Variants in PARD3 observed in about 807,000 individuals in gnomAD.
The protein encoded by PARD3 is partitioning defective 3 homolog.
In PARD3, 75 loss-of-function variants were observed where a neutral mutation model predicts 155.4. That is an observed-to-expected ratio of 0.48 (90% CI 0.40 to 0.58). The LOEUF (loss-of-function observed/expected upper bound fraction) is 0.58. Ranked by LOEUF, PARD3 falls within the 20% of genes least tolerant of loss-of-function variation. PARD3 has a pLI of 0.00. For synonymous variants in PARD3, 576 were observed against 610.5 expected (o/e 0.94, Z 0.83); for missense variants, 1,642 against 1,721.7 (o/e 0.95, Z 0.82).
Position 34,745,406 on chromosome 10 carries a change from G to A in PARD3, c.121-48987C>T, listed in dbSNP as rs542454699. 5.3e-5 allele frequency among the ~76,000 whole-genome samples: 8 copies of A among 150,942 alleles called. No individual in the cohort carries two copies. The South Asian group carries it at 1.7e-3, about 32-fold the overall frequency. Reference sequence around the variant, plus strand: ...AGGAAGTAAAAGGAAGGAAAGGAAGGAAAGAGAGGGAGGAAGGGAGGGAGG... The same window carrying A: ...AGGAAGTAAAAGGAAGGAAAGGAAGAAAAGAGAGGGAGGAAGGGAGGGAGG... On this transcript the variant is annotated intron_variant, in intron 1 of 24. Transcript: ENST00000374788.
intron 2 of PARD3, among the ~76,000 whole-genome samples, chr10:34,645,895 T>C (rs1283199764): frequency 2.0e-5 from 3 of 152,232 alleles, no homozygotes; most frequent in Non-Finnish European, 2.9e-5. Flanking sequence ...ACCATTTTAC[T>C]ACTAAGAGTA....
chr10:34,696,073 A>AACCT lies in PARD3; in HGVS notation c.222+244_222+245insAGGT, dbSNP rs1255908226. On this transcript the variant is annotated intron_variant, in intron 2 of 24. Coordinates refer to ENST00000374788, the MANE Select transcript of PARD3 (RefSeq NM_001184785.2). ...TCTTTTTGTGATATTTCCATTGTAAAAGTGTAGTTTTAAAACCCCAAAACC... is the reference window on the plus strand; with the variant it reads ...TCTTTTTGTGATATTTCCATTGTAAAACCTAGTGTAGTTTTAAAACCCCAAAACC... Among the ~76,000 whole-genome samples the AACCT allele has an allele frequency of 2.0e-5, 3 of 152,276 alleles. No homozygotes were observed. In the South Asian group the frequency reaches 6.2e-4, roughly 32 times the overall value.
At chr10:34,796,785 G>A (rs765803698) in intron 1 of PARD3, among the ~76,000 whole-genome samples, 3 of 152,186 alleles carry the variant, frequency 2.0e-5, no homozygotes, top group African/African-American at 7.2e-5. Flanking sequence ...AGGAGTTCAA[G>A]GCCAGCCTGG....
At chr10:34,253,069 C>T (rs1345146470) in intron 22 of PARD3, among the ~76,000 whole-genome samples, 1 of 152,188 alleles carries the variant, frequency 6.6e-6, no homozygotes, top group Non-Finnish European at 1.5e-5. Flanking sequence ...CAAAGATGTG[C>T]TGGTCTTTAC....
At chr10:34,675,173 T>C (rs2093682193) in intron 2 of PARD3, among the ~76,000 whole-genome samples, 1 of 152,230 alleles carries the variant, frequency 6.6e-6, no homozygotes, top group Non-Finnish European at 1.5e-5. Flanking sequence ...ATCTCTAATT[T>C]ACAGCTTTTA....
At chr10:34,459,906 G>T (rs2132930015) in intron 4 of PARD3, among the ~76,000 whole-genome samples, 1 of 152,254 alleles carries the variant, frequency 6.6e-6, no homozygotes, top group East Asian at 1.9e-4. Context: ...TAATTTCTGT[G>T]AAAGTCCCTA....
intron 21 of PARD3, among the ~76,000 whole-genome samples, chr10:34,272,916 T>G (rs749420630): frequency 6.6e-6 from 1 of 152,156 alleles, no homozygotes; most frequent in Non-Finnish European, 1.5e-5. Context: ...AAGACCATGA[T>G]GAGCTATTAC....
intron 5 of PARD3, among the ~76,000 whole-genome samples, chr10:34,419,512 G>A (rs1038366124): frequency 5.3e-5 from 8 of 151,596 alleles, no homozygotes; most frequent in East Asian, 1.9e-4. Flanking sequence ...GCAAGACTCC[G>A]TCTCAAAAAA....
chr10:34,607,723 C>G (rs1156374231), intron 2 of PARD3, among the ~76,000 whole-genome samples: 1 of 152,062 alleles, frequency 6.6e-6, no homozygotes, highest in African/African-American at 2.4e-5. Flanking sequence ...TGTGGAAGGA[C>G]CAACGAAAAC....
intron 2 of PARD3, among the ~76,000 whole-genome samples, chr10:34,564,990 A>G (rs2085805550): frequency 1.3e-5 from 2 of 152,262 alleles, no homozygotes; most frequent in South Asian, 4.1e-4. Context: ...AAACTTGCCC[A>G]AGTGCACAGA....
At chr10:34,508,313 A>G (rs1348821499) in intron 3 of PARD3, among the ~76,000 whole-genome samples, 3 of 152,220 alleles carry the variant, frequency 2.0e-5, no homozygotes, top group Non-Finnish European at 4.4e-5. Context: ...AAAGAAATGA[A>G]ATAAATCAGA....
chr10:34,564,031 C>T (rs935648655), intron 2 of PARD3, among the ~76,000 whole-genome samples: 3 of 152,138 alleles, frequency 2.0e-5, no homozygotes, highest in African/African-American at 4.8e-5. Context: ...TAAAAACTTA[C>T]ATGTCATAAT....
chr10:34,112,941 A>G (rs988753728), intron 24 of PARD3, among the ~76,000 whole-genome samples: 4 of 152,220 alleles, frequency 2.6e-5, no homozygotes, highest in Non-Finnish European at 5.9e-5. Flanking sequence ...CCCAGGCAAG[A>G]ATCCTTAGAT....
chr10:34,437,170 T>C (rs2132612053), intron 5 of PARD3, among the ~76,000 whole-genome samples: 1 of 152,140 alleles, frequency 6.6e-6, no homozygotes, highest in East Asian at 1.9e-4. Context: ...CTGTGTCTCA[T>C]ACAGAAGTCT....
intron 22 of PARD3, among the ~76,000 whole-genome samples, chr10:34,223,649 C>T (rs972831366): frequency 5.3e-5 from 8 of 152,186 alleles, no homozygotes; most frequent in Non-Finnish European, 1.2e-4. Flanking sequence ...CAGACTGCTA[C>T]AGAGAAATTG....
chr10:34,583,805 G>A lies in PARD3; in HGVS notation c.223-66646C>T, dbSNP rs149241133. Among the ~76,000 whole-genome samples, 87 of 151,976 alleles carry A rather than the reference G, an allele frequency of 5.7e-4. 2 individuals are homozygous for A. The East Asian group carries it at 0.01, about 18-fold the overall frequency. On this transcript the variant is annotated intron_variant, in intron 2 of 24. Transcript: ENST00000374788. ...AAGAAAACAGACCATTTTCCCTACC[G>A]GAAGCAGAATGTTCTTTACAATTTT... is the stretch of plus-strand genomic sequence containing the variant.
At chr10:34,721,818 C>G (rs2094610766) in intron 1 of PARD3, among the ~76,000 whole-genome samples, 1 of 152,180 alleles carries the variant, frequency 6.6e-6, no homozygotes, top group Non-Finnish European at 1.5e-5. Context: ...ACACCAATAC[C>G]TTCAATTAAG....
chr10:34,370,886 C>A (rs943175036), intron 12 of PARD3, among the ~76,000 whole-genome samples: 1 of 136,250 alleles, frequency 7.3e-6, no homozygotes, highest in South Asian at 2.4e-4. Flanking sequence ...AGATCTTTTC[C>A]ATTTATTTTG....
intron 5 of PARD3, among the ~76,000 whole-genome samples, chr10:34,423,754 T>C (rs987065854): frequency 2.6e-5 from 4 of 152,146 alleles, no homozygotes; most frequent in Admixed American, 6.5e-5. Flanking sequence ...ATTATCAAAA[T>C]TGTTTTTAAG....
Sources: allele counts gnomAD v4.1 joint callset (sites outside exome capture counted in the v4.1 genomes callset), GRCh38; gene constraint gnomAD v4.1.1; transcripts MANE v1.5; gene names NCBI Gene and HGNC (gene_info 2026-07-23, HGNC 2026-07-21).